Variants in GRIK2 observed in about 807,000 individuals in gnomAD.
GRIK2 encodes the protein glutamate ionotropic receptor kainate type subunit 2, also known as glutamate receptor ionotropic, kainate 2.
GRIK2 carries 32 observed loss-of-function variants against 100.3 expected under a neutral mutation model. That is an observed-to-expected ratio of 0.32 (90% CI 0.24 to 0.43). The LOEUF is 0.43. Among genes scored for constraint, GRIK2 ranks in the 20% least tolerant of loss-of-function variants. GRIK2 has a pLI of 1.00. For synonymous variants in GRIK2, 417 were observed against 389.4 expected, an observed-to-expected ratio of 1.07 and a Z score of -0.83; for missense variants, 843 against 1,114.9, an observed-to-expected ratio of 0.76 and a Z score of 3.47.
intron 14 of GRIK2, among the ~76,000 whole-genome samples, chr6:101,976,065 A>T (rs2252825): frequency 6.6e-6 from 1 of 151,596 alleles, no homozygotes; most frequent in African/African-American, 2.4e-5. Context: ...TCATTGTATT[A>T]GAAGGAGAGG....
At chr6:101,412,842 G>A (rs7754131) in intron 2 of GRIK2, among the ~76,000 whole-genome samples, 18,625 of 151,596 alleles carry the variant, frequency 0.12, 1,237 homozygotes, top group East Asian at 0.28. Context: ...CTATTGGTAC[G>A]GGATAAATTG....
At chr6:101,652,887 G>A (rs951255381) in intron 4 of GRIK2, among the ~76,000 whole-genome samples, 9 of 151,598 alleles carry the variant, frequency 5.9e-5, no homozygotes, top group South Asian at 2.1e-4. Flanking sequence ...GTTGAAATGC[G>A]TTTGTGTTTG....
chr6:101,662,849 T>C (rs996783433), intron 4 of GRIK2, among the ~76,000 whole-genome samples: 1 of 152,158 alleles, frequency 6.6e-6, no homozygotes, highest in Non-Finnish European at 1.5e-5. Flanking sequence ...ATACCATTTA[T>C]ATTTTTTAAT....
At chr6:101,578,440 AC>A (rs1777890537) in intron 2 of GRIK2, among the ~76,000 whole-genome samples, 1 of 152,176 alleles carries the variant, frequency 6.6e-6, no homozygotes. Flanking sequence ...ATAAAAGAGC[AC>A]CACAAGCCGG....
At chr6:102,004,530 G>A (rs372475174) in intron 14 of GRIK2, among the ~76,000 whole-genome samples, 1 of 151,630 alleles carries the variant, frequency 6.6e-6, no homozygotes, top group South Asian at 2.1e-4. Flanking sequence ...TCCACTTAAG[G>A]CCTGCTTAAT....
intron 14 of GRIK2, among the ~76,000 whole-genome samples, chr6:101,997,318 T>C (rs1794702710): frequency 6.6e-6 from 1 of 152,092 alleles, no homozygotes; most frequent in African/African-American, 2.4e-5. Context: ...ATGCCCCCAC[T>C]ATCTTTACGT....
chr6:101,777,096 G>T (rs1013231790), intron 7 of GRIK2, among the ~76,000 whole-genome samples: 1 of 152,220 alleles, frequency 6.6e-6, no homozygotes, highest in African/African-American at 2.4e-5. Flanking sequence ...GCAGCTGCTG[G>T]TAAAGAACTC....
intron 2 of GRIK2, among the ~76,000 whole-genome samples, chr6:101,514,736 T>A (rs1484991622): frequency 6.6e-6 from 1 of 152,144 alleles, no homozygotes; most frequent in Non-Finnish European, 1.5e-5. Context: ...TGTGGAAATG[T>A]ATAAAGTGAT....
intron 2 of GRIK2, among the ~76,000 whole-genome samples, chr6:101,437,794 G>A (rs1769820505): frequency 6.6e-6 from 1 of 152,074 alleles, no homozygotes; most frequent in African/African-American, 2.4e-5. Flanking sequence ...ATTGTAACAA[G>A]TAGAATAAAT....
At chr6:101,908,441 G>T (rs190493241) in intron 12 of GRIK2, among the ~76,000 whole-genome samples, 48 of 142,990 alleles carry the variant, frequency 3.4e-4, no homozygotes, top group African/African-American at 1.2e-3. Context: ...AAGGAGGAAA[G>T]ATTTTTGTTG....
At chr6:101,566,302 C>G (rs1777274311) in intron 2 of GRIK2, among the ~76,000 whole-genome samples, 1 of 151,836 alleles carries the variant, frequency 6.6e-6, no homozygotes, top group Non-Finnish European at 1.5e-5. Context: ...TAAGTTTGAT[C>G]TGTTGGCAGA....
intron 2 of GRIK2, among the ~76,000 whole-genome samples, chr6:101,605,805 C>A (rs1015847363): frequency 6.6e-6 from 1 of 151,984 alleles, no homozygotes; most frequent in African/African-American, 2.4e-5. Flanking sequence ...TCTTTTTAAT[C>A]ATTTTTTTCT....
chr6:101,967,437 AGC>A (rs1360380362), intron 14 of GRIK2, among the ~76,000 whole-genome samples: 1 of 152,102 alleles, frequency 6.6e-6, no homozygotes, highest in African/African-American at 2.4e-5. Context: ...AATTTACATA[AGC>A]ACTTTTTAAA....
chr6:101,515,140 A>C (rs370510739), intron 2 of GRIK2, among the ~76,000 whole-genome samples: 1 of 152,106 alleles, frequency 6.6e-6, no homozygotes, highest in African/African-American at 2.4e-5. Context: ...TAGTGAGAAC[A>C]TACAATGTTT....
chr6:101,674,510 T>C (rs923337617), intron 4 of GRIK2, among the ~76,000 whole-genome samples: 6 of 152,196 alleles, frequency 3.9e-5, no homozygotes, highest in African/African-American at 1.2e-4. Context: ...TCTGTACATA[T>C]ATGTTTGGAA....
Position 101,514,135 on chromosome 6 carries a change from T to G in GRIK2, c.116-107814T>G, listed in dbSNP as rs747969450. 4.6e-5 allele frequency among the ~76,000 whole-genome samples: 7 copies of G among 152,098 alleles called. No homozygotes were observed. In the South Asian group the frequency reaches 1.5e-3, roughly 32 times the overall value. ...ATTATAAGATGCATAGGTAGTTCAA[T>G]TGGGGAAGGATAATCTTTTCAACAA... On this transcript the variant is annotated intron_variant, in intron 2 of 16. Transcript: ENST00000369134.
intron 7 of GRIK2, among the ~76,000 whole-genome samples, chr6:101,759,900 A>G: frequency 7.4e-6 from 1 of 134,308 alleles, no homozygotes; most frequent in Admixed American, 7.4e-5. Flanking sequence ...TTTGAGACGG[A>G]GTCTCGCTCT....
At chr6:101,751,606 TC>T (rs146168648) in intron 7 of GRIK2, among the ~76,000 whole-genome samples, 3,213 of 152,246 alleles carry the variant, frequency 0.021, 121 homozygotes, top group African/African-American at 0.074. Context: ...CTTCATTTTT[TC>T]CCCCCTACCA....
intron 4 of GRIK2, among the ~76,000 whole-genome samples, chr6:101,641,323 A>T (rs997034405): frequency 1.3e-5 from 2 of 152,036 alleles, no homozygotes; most frequent in Admixed American, 6.6e-5. Context: ...CCACTCTCAC[A>T]ATGAACTTTT....
Sources: gnomAD v4.1 joint callset for allele counts (sites outside exome capture counted in the v4.1 genomes callset) on GRCh38, gnomAD v4.1.1 for gene constraint, MANE v1.5 for transcripts, NCBI Gene and HGNC (gene_info 2026-07-23, HGNC 2026-07-21) for gene names.